TRPM6: variants seen among roughly 807,000 people sequenced by gnomAD.
The protein encoded by TRPM6 is channel kinase 2.
A neutral mutation model predicts 247.6 loss-of-function variants in TRPM6; 111 were observed. The observed-to-expected ratio is 0.45, with a 90% CI of 0.38 to 0.52. The LOEUF (loss-of-function observed/expected upper bound fraction) is 0.52. Among genes scored for constraint, TRPM6 ranks in the 20% least tolerant of loss-of-function variants. TRPM6 has a pLI of 0.00. For synonymous variants in TRPM6, 892 were observed against 853.8 expected, an observed-to-expected ratio of 1.04 and a Z score of -0.78; for missense variants, 2,126 against 2,421.5, an observed-to-expected ratio of 0.88 and a Z score of 2.56.
chr9:74,775,939 C>A lies in TRPM6; in HGVS notation c.3347G>T (p.Arg1116Leu). The A allele has an allele frequency of 2.5e-6, 4 of 1,614,104 alleles. No individual in the cohort carries two copies. Among genetic ancestry groups the A allele is most frequent in the Non-Finnish European group, 3.4e-6 (4 of 1,180,012 alleles). Residue 1116 changes from arginine to leucine, a missense_variant, in exon 24 of 39, where the codon CGC (arginine) becomes CTC (leucine). By Grantham distance (102) the Arg-to-Leu change is moderately radical. Coordinates refer to ENST00000360774, the MANE Select transcript of TRPM6 (RefSeq NM_017662.5). Reference protein sequence around the residue: ...ILLSHVGLLLRRLCCHRAPHD... With the variant: ...ILLSHVGLLLLRLCCHRAPHD... Reference sequence around the variant, plus strand: ...AGGAGCTCGATGACAGCACAGGCGGCGGAGGAGAAGGCCCACGTGGCTCAG... The same window carrying A: ...AGGAGCTCGATGACAGCACAGGCGGAGGAGGAGAAGGCCCACGTGGCTCAG...
chr9:74,852,373 T>A (rs1197188806), intron 3 of TRPM6, among the ~76,000 whole-genome samples: 18 of 143,636 alleles, frequency 1.3e-4, no homozygotes, highest in African/African-American at 4.1e-4. Context: ...TTTCTTTCAA[T>A]AAAAAAAAAA....
In TRPM6 at chr9:74,801,839, G is replaced by T; in HGVS notation, c.2009+59C>A. 2.5e-6 allele frequency: 4 copies of T among 1,590,786 alleles called. No homozygotes were observed. The South Asian group carries it at 3.3e-5, about 13-fold the overall frequency. ...AAGTTTAAAGATGAGAGAGATAAAA[G>T]TGTCTAACCATTCTAAGAAGTGTTG... On this transcript the variant is annotated intron_variant, in intron 16 of 38. Coordinates refer to ENST00000360774, the MANE Select transcript of TRPM6 (RefSeq NM_017662.5).
chr9:74,767,915 G>A (rs557713982), intron 25 of TRPM6, among the ~76,000 whole-genome samples: 1 of 152,238 alleles, frequency 6.6e-6, no homozygotes, highest in Non-Finnish European at 1.5e-5. Flanking sequence ...TTTCAAGGGT[G>A]CATGAGCTCT....
intron 1 of TRPM6, among the ~76,000 whole-genome samples, chr9:74,882,114 G>A (rs193178135): frequency 2.0e-5 from 3 of 152,096 alleles, no homozygotes; most frequent in East Asian, 1.9e-4. Flanking sequence ...AAAATATAAC[G>A]GAAACACTTC....
intron 26 of TRPM6, 75 bp from the exon 27 acceptor site, chr9:74,761,883 G>C: frequency 6.7e-7 from 1 of 1,493,614 alleles, no homozygotes; most frequent in Non-Finnish European, 9.3e-7. Context: ...AAAAAGCTGA[G>C]AGAATGGGGA....
chr9:74,871,958 T>C (rs1177971416), intron 1 of TRPM6, among the ~76,000 whole-genome samples: 1 of 151,766 alleles, frequency 6.6e-6, no homozygotes, highest in Non-Finnish European at 1.5e-5. Context: ...GTTCCAGCAA[T>C]TCTCCTGCCT....
chr9:74,874,542 A>G (rs1831131573), intron 1 of TRPM6, among the ~76,000 whole-genome samples: 1 of 152,082 alleles, frequency 6.6e-6, no homozygotes, highest in Non-Finnish European at 1.5e-5. Context: ...ACAGGTTTCC[A>G]TTTTCACTGG....
intron 23 of TRPM6, among the ~76,000 whole-genome samples, chr9:74,779,041 G>C (rs562971145): frequency 3.5e-4 from 53 of 152,166 alleles, no homozygotes; most frequent in Non-Finnish European, 6.5e-4. Flanking sequence ...CGGGCAGTGA[G>C]ACACTGGACA....
At chr9:74,809,976 CAAAAA>C (rs57812269) in intron 13 of TRPM6, among the ~76,000 whole-genome samples, 1 of 33,554 alleles carries the variant, frequency 3.0e-5, no homozygotes, top group Non-Finnish European at 6.4e-5. Flanking sequence ...AACTCCATCT[CAAAAA>C]AAAAAAAAAA....
intron 20 of TRPM6, among the ~76,000 whole-genome samples, chr9:74,787,445 A>T (rs1422161519): frequency 6.6e-6 from 1 of 152,096 alleles, no homozygotes; most frequent in Non-Finnish European, 1.5e-5. Flanking sequence ...TAGTACACCG[A>T]TTTTCCCTGA....
intron 23 of TRPM6, among the ~76,000 whole-genome samples, chr9:74,780,791 G>A (rs1015711451): frequency 2.6e-5 from 4 of 152,160 alleles, no homozygotes; most frequent in Non-Finnish European, 5.9e-5. Flanking sequence ...CATTAAGAAT[G>A]ACTCCATGTA....
At chr9:74,841,055 A>G (rs1280772764) in intron 4 of TRPM6, among the ~76,000 whole-genome samples, 1 of 151,906 alleles carries the variant, frequency 6.6e-6, no homozygotes, top group Non-Finnish European at 1.5e-5. Context: ...TTTATTGTAA[A>G]TTTTACCTTC....
At chr9:74,775,579 G>A (rs1340240891) in intron 24 of TRPM6, among the ~76,000 whole-genome samples, 1 of 152,142 alleles carries the variant, frequency 6.6e-6, no homozygotes, top group African/African-American at 2.4e-5. Flanking sequence ...TTATTCTGAT[G>A]AGTTCTCCGG....
At position 74,728,315 on chromosome 9, in the gene TRPM6, A is replaced by C. The variant is rs1279021333; in HGVS notation, c.5859T>G (p.Asn1953Lys). ...QSRGMVFGPA[N>K]LGEDAIRNFI... is the part of the protein sequence containing the mutation. ...AGTTTCTAATTGCATCTTCCCCCAA[A>C]TTGGCCGGTCCAAACACCATTCCTC... Residue 1953 changes from asparagine to lysine, a missense_variant, in exon 38 of 39, where the codon AAT (asparagine) becomes AAG (lysine). Transcript: ENST00000360774. 6.2e-7 allele frequency: 1 copy of C among 1,613,958 alleles called. No homozygotes were observed. Among genetic ancestry groups the C allele is most frequent in the Admixed American group, 1.7e-5 (1 of 60,014 alleles).
chr9:74,862,610 G>A (rs1433183753), intron 1 of TRPM6, among the ~76,000 whole-genome samples: 2 of 152,172 alleles, frequency 1.3e-5, no homozygotes, highest in East Asian at 3.9e-4. Flanking sequence ...AAGTCTGAAT[G>A]TGAAATTCAT....
At chr9:74,867,199 T>G (rs1830872842) in intron 1 of TRPM6, among the ~76,000 whole-genome samples, 1 of 152,206 alleles carries the variant, frequency 6.6e-6, no homozygotes, top group South Asian at 2.1e-4. Flanking sequence ...TTTAGATCAT[T>G]GTGTATTCAT....
At chr9:74,738,883 T>C (rs1282692661) in intron 35 of TRPM6, among the ~76,000 whole-genome samples, 2 of 152,166 alleles carry the variant, frequency 1.3e-5, no homozygotes, top group Non-Finnish European at 2.9e-5. Context: ...TAAAGTTCCT[T>C]GTAAATGAAA....
At chr9:74,752,500 A>C in intron 28 of TRPM6, 132 bp from the exon 29 acceptor site, 2 of 625,352 alleles carry the variant, frequency 3.2e-6, no homozygotes, top group Non-Finnish European at 5.6e-6. Context: ...TTCTGTTTTT[A>C]GCAAGTTTTA....
At chr9:74,816,836 T>C (rs1410380546) in intron 10 of TRPM6, 56 bp downstream of exon 10, 9 of 1,609,364 alleles carry the variant, frequency 5.6e-6, no homozygotes, top group South Asian at 5.5e-5. Flanking sequence ...CACAAAGTAC[T>C]GTGGAACATG....
Sources: allele counts gnomAD v4.1 joint callset (sites outside exome capture counted in the v4.1 genomes callset), GRCh38; gene constraint gnomAD v4.1.1; transcripts MANE v1.5; gene names NCBI Gene and HGNC (gene_info 2026-07-23, HGNC 2026-07-21).